RBFOX1: variants seen among roughly 807,000 people sequenced by gnomAD.
RBFOX1 encodes the protein RNA binding fox-1 homolog 1, also known as RNA binding protein fox-1 homolog 1.
A neutral mutation model predicts 57.7 loss-of-function variants in RBFOX1; 8 were observed. That is an observed-to-expected ratio of 0.14 (90% CI 0.08 to 0.25). RBFOX1 has a LOEUF of 0.25. Among genes scored for constraint, RBFOX1 ranks in the 10% least tolerant of loss-of-function variants. The pLI is 1.00. For missense variants in RBFOX1, 611 were observed against 548.5 expected, an observed-to-expected ratio of 1.11 and a Z score of -1.14; for synonymous variants, 326 against 222.4, an observed-to-expected ratio of 1.47 and a Z score of -4.15.
chr16:6,867,407 G>A (rs1244524460), intron 3 of RBFOX1, among the ~76,000 whole-genome samples: 2 of 151,728 alleles, frequency 1.3e-5, no homozygotes. Flanking sequence ...GTTCATCTGA[G>A]AAACTAATGA....
chr16:5,782,476 A>T (rs917541359), intron 3 of RBFOX1, among the ~76,000 whole-genome samples: 1 of 152,164 alleles, frequency 6.6e-6, no homozygotes, highest in Admixed American at 6.5e-5. Flanking sequence ...ATCACCTCCC[A>T]ACACTGTTGC....
intron 1 of RBFOX1, among the ~76,000 whole-genome samples, chr16:6,198,454 C>T (rs886574495): frequency 2.4e-4 from 36 of 152,212 alleles, no homozygotes; most frequent in African/African-American, 8.4e-4. Flanking sequence ...AAGAGGGAGA[C>T]TCTTTTTAAG....
intron 10 of RBFOX1, chr16:7,614,873 C>A (rs9929993): frequency 6.6e-6 from 1 of 151,978 alleles, no homozygotes; most frequent in Non-Finnish European, 1.5e-5. Flanking sequence ...TTACCTCATT[C>A]GCCAAATCAC....
At chr16:5,378,798 A>G (rs993322152) in intron 1 of RBFOX1, among the ~76,000 whole-genome samples, 1 of 151,620 alleles carries the variant, frequency 6.6e-6, no homozygotes, top group African/African-American at 2.4e-5. Context: ...TTGTAAAGTG[A>G]TTAGCATAGT....
chr16:7,243,041 T>C (rs1427467679), intron 4 of RBFOX1, among the ~76,000 whole-genome samples: 1 of 152,212 alleles, frequency 6.6e-6, no homozygotes, highest in East Asian at 1.9e-4. Context: ...GCATTTTTAA[T>C]ATAAATTGGT....
intron 3 of RBFOX1, among the ~76,000 whole-genome samples, chr16:6,819,109 T>C (rs555128035): frequency 2.0e-5 from 3 of 152,316 alleles, no homozygotes; most frequent in African/African-American, 7.2e-5. Flanking sequence ...GGTTTCAGGA[T>C]CCAACAATTT....
intron 4 of RBFOX1, among the ~76,000 whole-genome samples, chr16:7,486,678 C>T (rs2065483039): frequency 6.6e-6 from 1 of 152,098 alleles, no homozygotes; most frequent in Admixed American, 6.5e-5. Flanking sequence ...GTGTTATGAT[C>T]TGGGTGGTAT....
intron 4 of RBFOX1, among the ~76,000 whole-genome samples, chr16:7,257,027 C>A (rs1242184016): frequency 6.6e-6 from 1 of 152,150 alleles, no homozygotes; most frequent in Non-Finnish European, 1.5e-5. Context: ...TCTGATCCGA[C>A]CCTCCTGGAG....
At chr16:7,219,791 C>T (rs1197558069) in intron 4 of RBFOX1, among the ~76,000 whole-genome samples, 1 of 152,154 alleles carries the variant, frequency 6.6e-6, no homozygotes, top group Non-Finnish European at 1.5e-5. Context: ...AATTTTTGTT[C>T]TCTATGTTTG....
At chr16:7,582,218 G>A (rs1231930427) in intron 6 of RBFOX1, among the ~76,000 whole-genome samples, 1 of 152,142 alleles carries the variant, frequency 6.6e-6, no homozygotes, top group Non-Finnish European at 1.5e-5. Context: ...CAACTGACAA[G>A]ATGTCAATTT....
At chr16:6,403,379 T>A (rs1010387283) in intron 2 of RBFOX1, among the ~76,000 whole-genome samples, 7 of 152,062 alleles carry the variant, frequency 4.6e-5, no homozygotes, top group Non-Finnish European at 7.4e-5. Flanking sequence ...ACTTTTTTTT[T>A]AAATAGAGGA....
intron 3 of RBFOX1, among the ~76,000 whole-genome samples, chr16:6,793,236 A>C (rs891322777): frequency 2.0e-5 from 3 of 152,174 alleles, no homozygotes; most frequent in African/African-American, 7.2e-5. Flanking sequence ...AATTTTAAGA[A>C]CATTCCAGTA....
At chr16:6,194,241 A>T (rs1050884251) in intron 1 of RBFOX1, among the ~76,000 whole-genome samples, 2 of 152,046 alleles carry the variant, frequency 1.3e-5, no homozygotes, top group Admixed American at 1.3e-4. Context: ...CTGAAGAGCC[A>T]CAGAATCCAG....
chr16:6,928,585 C>T (rs1225348418), intron 3 of RBFOX1, among the ~76,000 whole-genome samples: 1 of 152,082 alleles, frequency 6.6e-6, no homozygotes, highest in Admixed American at 6.5e-5. Flanking sequence ...TCCTTGGGAT[C>T]AGCAATGTGT....
At chr16:7,463,424 A>C (rs2059931016) in intron 4 of RBFOX1, among the ~76,000 whole-genome samples, 1 of 152,188 alleles carries the variant, frequency 6.6e-6, no homozygotes, top group Non-Finnish European at 1.5e-5. Context: ...TAATCACTTG[A>C]ACCCGGGACG....
chr16:6,924,166 C>A (rs933361497), intron 3 of RBFOX1, among the ~76,000 whole-genome samples: 3 of 86,880 alleles, frequency 3.5e-5, no homozygotes, highest in African/African-American at 8.7e-5. Flanking sequence ...GACTCTGTCT[C>A]AAAAATAATA....
chr16:5,544,728 C>G (rs1442705540), intron 2 of RBFOX1, among the ~76,000 whole-genome samples: 1 of 152,040 alleles, frequency 6.6e-6, no homozygotes, highest in Non-Finnish European at 1.5e-5. Context: ...TAAGGCATAA[C>G]TATATCTTAA....
At chr16:5,762,938 G>A (rs1325654690) in intron 3 of RBFOX1, among the ~76,000 whole-genome samples, 1 of 152,204 alleles carries the variant, frequency 6.6e-6, no homozygotes, top group African/African-American at 2.4e-5. Flanking sequence ...TATGTGAAAA[G>A]CAGTTATTGC....
At chr16:5,622,544 C>G (rs1440201685) in intron 3 of RBFOX1, among the ~76,000 whole-genome samples, 1 of 152,186 alleles carries the variant, frequency 6.6e-6, no homozygotes, top group Non-Finnish European at 1.5e-5. Context: ...TTGTCCTTTT[C>G]TCTAGTGGTA....
Sources: gnomAD v4.1 joint callset for allele counts (sites outside exome capture counted in the v4.1 genomes callset) on GRCh38, gnomAD v4.1.1 for gene constraint, MANE v1.5 for transcripts, NCBI Gene and HGNC (gene_info 2026-07-23, HGNC 2026-07-21) for gene names.